The following KCNK13 variants were observed in gnomAD, a reference collection of about 807,000 sequenced individuals.
KCNK13 encodes potassium two pore domain channel subfamily K member 13, also known as potassium channel subfamily K member 13.
KCNK13 carries 12 observed loss-of-function variants against 23.4 expected under a neutral mutation model. The ratio of observed to expected loss-of-function variants is 0.51; its 90% CI spans 0.33 to 0.83. The LOEUF (loss-of-function observed/expected upper bound fraction) is 0.83. Among genes scored for constraint, KCNK13 ranks in the 40% least tolerant of loss-of-function variants. The pLI is 0.02. For synonymous variants in KCNK13, 231 were observed against 229.5 expected, an observed-to-expected ratio of 1.01 and a Z score of -0.06; for missense variants, 463 against 556.3, an observed-to-expected ratio of 0.83 and a Z score of 1.69.
chr14:90,081,534 AT>A (rs1450045054), intron 1 of KCNK13, among the ~76,000 whole-genome samples: 8 of 152,156 alleles, frequency 5.3e-5, no homozygotes, highest in Non-Finnish European at 1.0e-4. Context: ...TTGCAAATTC[AT>A]TTTTTACACC....
intron 1 of KCNK13, among the ~76,000 whole-genome samples, chr14:90,163,653 T>C (rs578014341): frequency 7.8e-4 from 119 of 152,282 alleles, no homozygotes; most frequent in African/African-American, 2.2e-3. Flanking sequence ...GCTAGCTGAG[T>C]TGGCAGTTCC....
chr14:90,083,577 C>T (rs1319716954), intron 1 of KCNK13, among the ~76,000 whole-genome samples: 1 of 152,188 alleles, frequency 6.6e-6, no homozygotes, highest in Non-Finnish European at 1.5e-5. Context: ...GATGAGGGCT[C>T]TGCCCACTTG....
At chr14:90,137,216 A>G (rs908978911) in intron 1 of KCNK13, among the ~76,000 whole-genome samples, 1 of 152,172 alleles carries the variant, frequency 6.6e-6, no homozygotes, top group African/African-American at 2.4e-5. Context: ...GCTAGTAACA[A>G]GGTACCTAGT....
At chr14:90,082,914 G>A (rs559501266) in intron 1 of KCNK13, among the ~76,000 whole-genome samples, 7 of 151,920 alleles carry the variant, frequency 4.6e-5, no homozygotes, top group Non-Finnish European at 1.0e-4. Context: ...AGTGTACAAG[G>A]GTTCCAATTT....
At chr14:90,071,625 A>C (rs1247645547) in intron 1 of KCNK13, among the ~76,000 whole-genome samples, 2 of 152,320 alleles carry the variant, frequency 1.3e-5, no homozygotes, top group Admixed American at 6.5e-5. Context: ...AGCAAGCAAC[A>C]ATCTTTTCCC....
At chr14:90,173,770 G>A (rs1890391185) in intron 1 of KCNK13, among the ~76,000 whole-genome samples, 1 of 152,168 alleles carries the variant, frequency 6.6e-6, no homozygotes, top group African/African-American at 2.4e-5. Context: ...TGGCCTAAAA[G>A]GGCAGGATAT....
chr14:90,185,113 C>T lies in KCNK13; in HGVS notation c.*110C>T. 1 of 961,686 alleles carries T rather than the reference C, an allele frequency of 1.0e-6. No homozygotes were observed. The highest frequency in any genetic ancestry group is 1.5e-6 in the Non-Finnish European group (1 of 680,754). The allele number at this position is 961,686 out of a possible 1,614,324, so 59.6% of individuals were successfully genotyped here. On this transcript the variant is annotated 3_prime_UTR_variant, in exon 2 of 2. Transcript: ENST00000282146. ...GCTCTGTTCCTTCTGGGAGCTGTTC[C>T]CGGGAGCCTCCGCAAGCATCTTTAG... is the stretch of plus-strand genomic sequence containing the variant.
intron 1 of KCNK13, among the ~76,000 whole-genome samples, chr14:90,159,200 G>C (rs1106016): frequency 0.1 from 15,722 of 152,222 alleles, 855 homozygotes; most frequent in East Asian, 0.17. Context: ...TTAATCCACT[G>C]AGAGTGGAGT....
At chr14:90,148,042 A>G (rs113971311) in intron 1 of KCNK13, among the ~76,000 whole-genome samples, 1,729 of 152,266 alleles carry the variant, frequency 0.011, 22 homozygotes, top group African/African-American at 0.04. Flanking sequence ...GCATGCCTGT[A>G]GTACAAGCTA....
At chr14:90,139,727 C>T (rs985330889) in intron 1 of KCNK13, among the ~76,000 whole-genome samples, 3 of 152,044 alleles carry the variant, frequency 2.0e-5, no homozygotes, top group African/African-American at 4.8e-5. Context: ...TTTGGGAGGC[C>T]GAGGCAGGTG....
chr14:90,137,447 A>C (rs1193302490), intron 1 of KCNK13, among the ~76,000 whole-genome samples: 1 of 151,874 alleles, frequency 6.6e-6, no homozygotes, highest in African/African-American at 2.4e-5. Flanking sequence ...CAGCCTCCCG[A>C]GTAGCTGGGA....
intron 1 of KCNK13, among the ~76,000 whole-genome samples, chr14:90,068,289 T>A (rs1046657319): frequency 3.3e-5 from 5 of 152,044 alleles, no homozygotes; most frequent in African/African-American, 1.2e-4. Context: ...AAATGTTTCT[T>A]CCAGGCTAAA....
intron 1 of KCNK13, among the ~76,000 whole-genome samples, chr14:90,108,457 T>C (rs1261732595): frequency 6.6e-6 from 1 of 152,102 alleles, no homozygotes; most frequent in Non-Finnish European, 1.5e-5. Flanking sequence ...ATGAAATCAG[T>C]GGGTATTTTG....
chr14:90,098,078 T>C lies in KCNK13; in HGVS notation c.334+35539T>C, dbSNP rs566065847. Among the ~76,000 whole-genome samples, 4 of 152,292 alleles carry C rather than the reference T, an allele frequency of 2.6e-5. No homozygotes were observed. The South Asian group carries it at 8.3e-4, about 32-fold the overall frequency. On this transcript the variant is annotated intron_variant, in intron 1 of 1. Transcript: ENST00000282146. ...TATCTCTAGGCCTGCATCTCATGCA[T>C]CTGCCTCATGTGTCTGTCTATATGC...
At chr14:90,107,542 A>C (rs1889561013) in intron 1 of KCNK13, 1 of 396,440 alleles carries the variant, frequency 2.5e-6, no homozygotes, top group African/African-American at 2.0e-5. Flanking sequence ...CCTGCCTGGA[A>C]ATTTCAGTAA....
chr14:90,153,828 A>G (rs574232365), intron 1 of KCNK13, among the ~76,000 whole-genome samples: 1 of 152,188 alleles, frequency 6.6e-6, no homozygotes, highest in Non-Finnish European at 1.5e-5. Flanking sequence ...CCACAGCTCT[A>G]TGTCCTGTGT....
At chr14:90,137,032 C>T (rs1889945698) in intron 1 of KCNK13, among the ~76,000 whole-genome samples, 3 of 151,966 alleles carry the variant, frequency 2.0e-5, no homozygotes. Context: ...GAAGGAATTA[C>T]CCACAGGTCA....
chr14:90,159,557 G>T (rs570049684), intron 1 of KCNK13, among the ~76,000 whole-genome samples: 54 of 152,332 alleles, frequency 3.5e-4, no homozygotes, highest in African/African-American at 1.3e-3. Flanking sequence ...GTGTACAATG[G>T]AAGACCCAAT....
chr14:90,174,136 C>A (rs764844280), intron 1 of KCNK13, among the ~76,000 whole-genome samples: 8 of 151,942 alleles, frequency 5.3e-5, no homozygotes, highest in Non-Finnish European at 1.0e-4. Flanking sequence ...GAAACCCTGT[C>A]TCTACTAAAA....
Sources: gnomAD v4.1 joint callset for allele counts (sites outside exome capture counted in the v4.1 genomes callset) on GRCh38, gnomAD v4.1.1 for gene constraint, MANE v1.5 for transcripts, NCBI Gene and HGNC (gene_info 2026-07-23, HGNC 2026-07-21) for gene names.